Variants in SDCCAG8 observed in about 807,000 individuals in gnomAD.
The protein encoded by SDCCAG8 is SHH signaling and ciliogenesis regulator SDCCAG8, also known as serologically defined colon cancer antigen 8.
In SDCCAG8, 74 loss-of-function variants were observed where a neutral mutation model predicts 101.8. The observed-to-expected ratio is 0.73, with a 90% CI of 0.60 to 0.88. SDCCAG8 has a LOEUF of 0.88. Among genes scored for constraint, SDCCAG8 ranks in the 40% least tolerant of loss-of-function variants. The pLI is 0.00. For missense variants in SDCCAG8, 787 were observed against 822.6 expected, an observed-to-expected ratio of 0.96 and a Z score of 0.53; for synonymous variants, 281 against 292.9, an observed-to-expected ratio of 0.96 and a Z score of 0.41.
intron 17 of SDCCAG8, among the ~76,000 whole-genome samples, chr1:243,489,662 A>G (rs1242576242): frequency 6.6e-6 from 1 of 152,224 alleles, no homozygotes; most frequent in Non-Finnish European, 1.5e-5. Context: ...TTACACACAG[A>G]ACATGCATTA....
chr1:243,388,648 G>T (rs1448158045), intron 13 of SDCCAG8, among the ~76,000 whole-genome samples: 1 of 150,768 alleles, frequency 6.6e-6, no homozygotes, highest in Non-Finnish European at 1.5e-5. Flanking sequence ...ATCACTTGAG[G>T]CCAGGAGGTC....
At chr1:243,412,521 G>A (rs1014694968) in intron 13 of SDCCAG8, among the ~76,000 whole-genome samples, 2 of 152,182 alleles carry the variant, frequency 1.3e-5, no homozygotes, top group Non-Finnish European at 2.9e-5. Flanking sequence ...TTTGAATGCA[G>A]CCCGATACAA....
At chr1:243,443,945 C>T (rs1311196299) in intron 16 of SDCCAG8, among the ~76,000 whole-genome samples, 2 of 152,000 alleles carry the variant, frequency 1.3e-5, no homozygotes, top group African/African-American at 2.4e-5. Context: ...TATTTTCAGA[C>T]TCTTGGAACT....
Position 243,367,435 on chromosome 1 carries a change from T to TC in SDCCAG8, c.1474-11286_1474-11285insC, listed in dbSNP as rs1310158335. Among the ~76,000 whole-genome samples the TC allele has an allele frequency of 2.6e-5, 4 of 152,024 alleles. No individual in the cohort carries two copies. In the East Asian group the frequency reaches 7.7e-4, roughly 29 times the overall value. ...GATTAGGTCAGGGTTAGGTGTAGTT[T>TC]TTTTTTTACATAAAGTAAATTTAGA... is the stretch of plus-strand genomic sequence containing the variant. On this transcript the variant is annotated intron_variant, in intron 12 of 17. Transcript: ENST00000366541.
intron 9 of SDCCAG8, among the ~76,000 whole-genome samples, chr1:243,327,942 G>A (rs911991097): frequency 2.0e-5 from 3 of 151,964 alleles, no homozygotes; most frequent in South Asian, 2.1e-4. Context: ...TCGCTCTGTC[G>A]CCCAGGCTGT....
At chr1:243,499,398 A>C (rs1668935578) in intron 17 of SDCCAG8, among the ~76,000 whole-genome samples, 1 of 152,244 alleles carries the variant, frequency 6.6e-6, no homozygotes, top group Non-Finnish European at 1.5e-5. Flanking sequence ...AAGGTCAGAT[A>C]AATTTTCAGT....
chr1:243,322,157 G>A (rs1430829639), intron 9 of SDCCAG8, among the ~76,000 whole-genome samples: 3 of 152,234 alleles, frequency 2.0e-5, no homozygotes, highest in African/African-American at 7.2e-5. Flanking sequence ...GCACATAGAA[G>A]CCAATGCTAC....
At chr1:243,328,982 G>A (rs888683805) in intron 9 of SDCCAG8, among the ~76,000 whole-genome samples, 3 of 152,052 alleles carry the variant, frequency 2.0e-5, no homozygotes, top group Non-Finnish European at 4.4e-5. Context: ...TAAGCGTTTT[G>A]TCTATTCATA....
At chr1:243,444,026 A>G (rs2082724549) in intron 16 of SDCCAG8, among the ~76,000 whole-genome samples, 1 of 152,210 alleles carries the variant, frequency 6.6e-6, no homozygotes, top group South Asian at 2.1e-4. Flanking sequence ...CAAACTGAAA[A>G]TTACGCTTGT....
At chr1:243,324,169 C>T (rs2073970008) in intron 9 of SDCCAG8, among the ~76,000 whole-genome samples, 1 of 152,166 alleles carries the variant, frequency 6.6e-6, no homozygotes, top group African/African-American at 2.4e-5. Context: ...CTGCTGGCGT[C>T]TGAAACTCTA....
At chr1:243,409,319 T>C (rs1050575843) in intron 13 of SDCCAG8, among the ~76,000 whole-genome samples, 2 of 152,188 alleles carry the variant, frequency 1.3e-5, no homozygotes, top group African/African-American at 2.4e-5. Flanking sequence ...AGGTTCTATG[T>C]ATGTTGTTGG....
intron 3 of SDCCAG8, among the ~76,000 whole-genome samples, chr1:243,271,796 G>A (rs1045756302): frequency 5.9e-5 from 9 of 151,962 alleles, no homozygotes; most frequent in African/African-American, 1.9e-4. Context: ...CATCAGCCTC[G>A]GCCTCCCAAA....
At chr1:243,341,004 A>G in intron 10 of SDCCAG8, 35 bp from the exon 11 acceptor site, 1 of 1,602,440 alleles carries the variant, frequency 6.2e-7, no homozygotes, top group Non-Finnish European at 8.6e-7. Flanking sequence ...TTGTCAAATG[A>G]CATTATTGTT....
chr1:243,283,801 CGTG>C (rs2069310489), intron 4 of SDCCAG8, among the ~76,000 whole-genome samples: 1 of 152,140 alleles, frequency 6.6e-6, no homozygotes, highest in Non-Finnish European at 1.5e-5. Context: ...AGTGCAGTGG[CGTG>C]ATCTTGGCTC....
At chr1:243,292,608 G>C (rs1218328784) in intron 5 of SDCCAG8, among the ~76,000 whole-genome samples, 1 of 152,124 alleles carries the variant, frequency 6.6e-6, no homozygotes, top group African/African-American at 2.4e-5. Context: ...GTTTCCTCCT[G>C]TATAAAATGG....
chr1:243,449,420 A>G (rs1298011825), intron 16 of SDCCAG8, among the ~76,000 whole-genome samples: 3 of 152,360 alleles, frequency 2.0e-5, no homozygotes, highest in East Asian at 1.9e-4. Flanking sequence ...AAAATCAGCT[A>G]AATTTGGCTT....
intron 16 of SDCCAG8, among the ~76,000 whole-genome samples, chr1:243,451,244 G>A (rs911883380): frequency 4.6e-5 from 7 of 152,156 alleles, no homozygotes; most frequent in African/African-American, 1.7e-4. Flanking sequence ...TTTCCCTAAA[G>A]ATTTCATAGG....
chr1:243,307,656 T>A, intron 7 of SDCCAG8: 1 of 1,170,344 alleles, frequency 8.5e-7, no homozygotes, highest in Non-Finnish European at 1.1e-6. Flanking sequence ...ATTTGGAGTT[T>A]TATTTTTGTT....
intron 13 of SDCCAG8, among the ~76,000 whole-genome samples, chr1:243,390,566 C>A (rs1221077644): frequency 6.6e-6 from 1 of 152,156 alleles, no homozygotes; most frequent in South Asian, 2.1e-4. Flanking sequence ...TTCTGCTTAA[C>A]GTTCCCTGGC....
Sources: allele counts gnomAD v4.1 joint callset (sites outside exome capture counted in the v4.1 genomes callset), GRCh38; gene constraint gnomAD v4.1.1; transcripts MANE v1.5; gene names NCBI Gene and HGNC (gene_info 2026-07-23, HGNC 2026-07-21).